The following SIPA1L2 variants were observed in gnomAD, a reference collection of about 807,000 sequenced individuals.
SIPA1L2 encodes signal induced proliferation associated 1 like 2, also known as signal-induced proliferation-associated 1-like protein 2.
SIPA1L2 carries 56 observed loss-of-function variants against 163.9 expected under a neutral mutation model. The observed-to-expected ratio is 0.34, with a 90% CI of 0.28 to 0.43. The LOEUF (loss-of-function observed/expected upper bound fraction) is 0.43, where lower values mean the gene tolerates loss of function less well. Among genes scored for constraint, SIPA1L2 ranks in the 20% least tolerant of loss-of-function variants. The pLI, the probability that SIPA1L2 is intolerant of heterozygous loss-of-function variation, is 1.00. For synonymous variants in SIPA1L2, 877 were observed against 865.7 expected, an observed-to-expected ratio of 1.01 and a Z score of -0.23; for missense variants, 1,974 against 2,193.5, an observed-to-expected ratio of 0.90 and a Z score of 2.00.
intron 4 of SIPA1L2, 152 bp downstream of exon 4, chr1:232,493,375 A>G: frequency 9.2e-7 from 1 of 1,083,592 alleles, no homozygotes; most frequent in African/African-American, 1.6e-5. Context: ...TTAGAATAAA[A>G]TACTGCAATG....
rs550385164 is a variant in SIPA1L2 at position 232,542,612 on chromosome 1, C to T, written c.-269-27004G>A. Reference sequence around the variant, plus strand: ...GCAATCAGGGCCCTCCAAACCTGACCCCAAACAACTGTACTTCCCACTCTC... The same window carrying T: ...GCAATCAGGGCCCTCCAAACCTGACTCCAAACAACTGTACTTCCCACTCTC... On this transcript the variant is annotated intron_variant, in intron 2 of 22. Transcript: ENST00000674635. Among the ~76,000 whole-genome samples, 12 of 152,236 alleles carry T rather than the reference C, an allele frequency of 7.9e-5. No homozygotes were observed. In the South Asian group the frequency reaches 2.3e-3, roughly 29 times the overall value.
intron 1 of SIPA1L2, among the ~76,000 whole-genome samples, chr1:232,604,508 A>G (rs529635389): frequency 6.6e-6 from 1 of 152,346 alleles, no homozygotes; most frequent in Non-Finnish European, 1.5e-5. Context: ...ATCTTTCACA[A>G]TAGATACTCT....
chr1:232,541,935 A>ATCTC (rs59407464), intron 2 of SIPA1L2, among the ~76,000 whole-genome samples: 85 of 148,224 alleles, frequency 5.7e-4, no homozygotes, highest in East Asian at 1.6e-3. Context: ...TGAGCCTTAA[A>ATCTC]TCTCTCTCTC....
intron 1 of SIPA1L2, among the ~76,000 whole-genome samples, chr1:232,589,243 C>T (rs1660842212): frequency 6.6e-6 from 1 of 152,214 alleles, no homozygotes; most frequent in South Asian, 2.1e-4. Flanking sequence ...TCTTTAGGGT[C>T]AGACAATGAT....
At chr1:232,541,810 T>C (rs576222909) in intron 2 of SIPA1L2, among the ~76,000 whole-genome samples, 3 of 150,196 alleles carry the variant, frequency 2.0e-5, no homozygotes, top group Non-Finnish European at 4.4e-5. Flanking sequence ...GTAGAGCACA[T>C]TTCTACAATC....
intron 19 of SIPA1L2, among the ~76,000 whole-genome samples, chr1:232,406,780 C>T (rs1458758245): frequency 4.0e-5 from 6 of 150,400 alleles, no homozygotes; most frequent in Non-Finnish European, 8.8e-5. Context: ...AGGAATAGAA[C>T]GATAGTGCCT....
intron 18 of SIPA1L2, among the ~76,000 whole-genome samples, chr1:232,423,126 A>G (rs965939868): frequency 8.5e-5 from 13 of 152,274 alleles, no homozygotes; most frequent in African/African-American, 2.6e-4. Flanking sequence ...TAAATAACTG[A>G]TATTGTATAG....
At chr1:232,526,459 TTA>T (rs1420828173) in intron 2 of SIPA1L2, among the ~76,000 whole-genome samples, 1 of 152,212 alleles carries the variant, frequency 6.6e-6, no homozygotes, top group Non-Finnish European at 1.5e-5. Flanking sequence ...TCATGAGACA[TTA>T]GAGTGCTCAA....
At position 232,419,643 on chromosome 1, in the gene SIPA1L2, C is replaced by T. The variant is rs56728321; in HGVS notation, c.4631-4018G>A. Among the ~76,000 whole-genome samples, 5,502 of 152,256 alleles carry T rather than the reference C, an allele frequency of 0.036. 586 individuals carry two copies. In the East Asian group the frequency reaches 0.41, roughly 11 times the overall value. Reference sequence around the variant, plus strand: ...TGTGACACTCCTGCTCCCCCCTCTACCTTCCACCATGACTGTAAGCTTCCT... The same window carrying T: ...TGTGACACTCCTGCTCCCCCCTCTATCTTCCACCATGACTGTAAGCTTCCT... On this transcript the variant is annotated intron_variant, in intron 18 of 22. Transcript: ENST00000674635.
chr1:232,570,180 A>G (rs1308936844), intron 2 of SIPA1L2, among the ~76,000 whole-genome samples: 1 of 152,264 alleles, frequency 6.6e-6, no homozygotes, highest in Admixed American at 6.5e-5. Context: ...TTTGGAGCTC[A>G]GCCCAAACTT....
intron 1 of SIPA1L2, among the ~76,000 whole-genome samples, chr1:232,619,490 G>A (rs1662684688): frequency 6.6e-6 from 1 of 152,230 alleles, no homozygotes; most frequent in Non-Finnish European, 1.5e-5. Context: ...AATAGCTCTA[G>A]TGATTAAATC....
At chr1:232,479,982 C>T (rs533731099) in intron 6 of SIPA1L2, among the ~76,000 whole-genome samples, 7 of 152,252 alleles carry the variant, frequency 4.6e-5, no homozygotes, top group African/African-American at 1.7e-4. Context: ...CTTTTCTTCT[C>T]TGTTCTTGCC....
chr1:232,410,561 T>C (rs181571250), intron 19 of SIPA1L2, among the ~76,000 whole-genome samples: 35 of 152,032 alleles, frequency 2.3e-4, no homozygotes, highest in Middle Eastern at 3.4e-3. Context: ...TATATATATA[T>C]ACGCAAGGGC....
At chr1:232,563,745 C>G (rs555984340) in intron 2 of SIPA1L2, among the ~76,000 whole-genome samples, 65 of 152,252 alleles carry the variant, frequency 4.3e-4, no homozygotes, top group African/African-American at 3.4e-4. Context: ...GACGGAGTCT[C>G]GCTCTGTTGC....
chr1:232,439,326 G>A lies in SIPA1L2; in HGVS notation c.3813C>T (p.Pro1271=). 6.2e-7 allele frequency: 1 copy of A among 1,614,216 alleles called. No homozygotes were observed. Among genetic ancestry groups the A allele is most frequent in the Non-Finnish European group, 8.5e-7 (1 of 1,180,036 alleles). ...ASTDSGIDTA[P]CMPATILGPV... is the part of the protein sequence containing the mutation. Reference sequence around the variant, plus strand: ...GGCCGAGGATGGTGGCAGGCATGCAGGGGGCCGTGTCGATGCCACTGTCGG... The same window carrying A: ...GGCCGAGGATGGTGGCAGGCATGCAAGGGGCCGTGTCGATGCCACTGTCGG... Residue 1271 remains proline, a synonymous_variant, in exon 15 of 23, where the codon CCC becomes CCT. Transcript: ENST00000674635.
intron 1 of SIPA1L2, among the ~76,000 whole-genome samples, chr1:232,601,062 A>G (rs1434476872): frequency 6.6e-6 from 1 of 152,194 alleles, no homozygotes; most frequent in Non-Finnish European, 1.5e-5. Flanking sequence ...CCCCGATGGT[A>G]TCCCCTAGAG....
chr1:232,545,996 C>T (rs1039877489), intron 2 of SIPA1L2, among the ~76,000 whole-genome samples: 2 of 152,160 alleles, frequency 1.3e-5, no homozygotes, highest in African/African-American at 2.4e-5. Flanking sequence ...GTGTCACTGA[C>T]GTAGGCACAA....
intron 1 of SIPA1L2, among the ~76,000 whole-genome samples, chr1:232,627,896 A>G (rs1663167156): frequency 6.6e-6 from 1 of 152,090 alleles, no homozygotes; most frequent in South Asian, 2.1e-4. Context: ...TTCATTTCCT[A>G]CTTCCCAGAT....
At chr1:232,555,205 C>G (rs1658629697) in intron 2 of SIPA1L2, among the ~76,000 whole-genome samples, 1 of 152,212 alleles carries the variant, frequency 6.6e-6, no homozygotes, top group Non-Finnish European at 1.5e-5. Flanking sequence ...CTGCACTACT[C>G]CCATGCCCAA....
Sources: gnomAD v4.1 joint callset for allele counts (sites outside exome capture counted in the v4.1 genomes callset) on GRCh38, gnomAD v4.1.1 for gene constraint, MANE v1.5 for transcripts, NCBI Gene and HGNC (gene_info 2026-07-23, HGNC 2026-07-21) for gene names.